THAP6: variants seen among roughly 807,000 people sequenced by gnomAD.
THAP6 encodes the protein THAP domain containing 6.
THAP6 carries 13 observed loss-of-function variants against 20.0 expected under a neutral mutation model. The observed-to-expected ratio is 0.65, with a 90% confidence interval of 0.42 to 1.03. The LOEUF (loss-of-function observed/expected upper bound fraction) is 1.03, where lower values mean the gene tolerates loss of function less well. Ranked by LOEUF, THAP6 falls within the 50% of genes least tolerant of loss-of-function variation. The probability of loss-of-function intolerance (pLI) is 0.00; values close to 1 mark genes in which losing one functional copy is unlikely to be tolerated. For missense variants in THAP6, 262 were observed against 261.6 expected (o/e 1.00, Z -0.01); for synonymous variants, 93 against 92.2 (o/e 1.01, Z -0.05).
chr4:75,523,772 G>T (rs1560544466), intron 4 of THAP6, among the ~76,000 whole-genome samples: 1 of 140,584 alleles, frequency 7.1e-6, no homozygotes. Context: ...CTGTACTCCA[G>T]CCTGGGCAAC....
chr4:75,527,986 A>G lies in THAP6; in HGVS notation c.*772A>G, dbSNP rs1578273769. ...TTCATGACTATTTCGTCATAAAGGTATATGTTTAAAATCTGAATGGCAGTA... is the reference window on the plus strand; with the variant it reads ...TTCATGACTATTTCGTCATAAAGGTGTATGTTTAAAATCTGAATGGCAGTA... On this transcript the variant is annotated 3_prime_UTR_variant, in exon 5 of 5. Coordinates refer to ENST00000311638, the MANE Select transcript of THAP6 (RefSeq NM_144721.6). The G allele has an allele frequency of 1.6e-5, 16 of 985,422 alleles. No individual in the cohort carries two copies. Among genetic ancestry groups the G allele is most frequent in the Non-Finnish European group, 1.9e-5 (16 of 829,878 alleles). 61.0% of individuals were successfully genotyped at this position (985,422 alleles called of 1,614,324 possible).
intron 1 of THAP6, 96 bp from the exon 2 acceptor site, chr4:75,515,337 T>C (rs1339178911): frequency 2.6e-6 from 3 of 1,148,156 alleles, no homozygotes; most frequent in East Asian, 2.4e-5. Flanking sequence ...TTTAGCTTTC[T>C]ATCCTGATTT....
Position 75,527,103 on chromosome 4 carries a change from A to G in THAP6, c.558A>G (p.Thr186=). The stretch of plus-strand genomic sequence containing the variant: ...GTTTTCAGAAATCATTGAGGAAGAC[A>G]ATCAGGGAATTAAAGGATGAATGTC... ...EKRFQKSLRK[T]IRELKDECLI... is the part of the protein sequence containing the mutation. Residue 186 remains threonine, a synonymous_variant, in exon 5 of 5, where the codon ACA becomes ACG. Coordinates refer to ENST00000311638, the MANE Select transcript of THAP6 (RefSeq NM_144721.6). 1 of 1,614,180 alleles carries G rather than the reference A, an allele frequency of 6.2e-7. No homozygotes were observed. Among genetic ancestry groups the G allele is most frequent in the South Asian group, 1.1e-5 (1 of 91,086 alleles).
intron 2 of THAP6, chr4:75,540,035 GAAA>G (rs1726963165): frequency 2.7e-6 from 4 of 1,476,620 alleles, no homozygotes; most frequent in Non-Finnish European, 3.6e-6. Flanking sequence ...TTGTATCACT[GAAA>G]GGGAAAATTT....
rs866153764 is a variant in THAP6 at position 75,528,021 on chromosome 4, T to C, written c.*807T>C. 12 of 985,242 alleles carry C rather than the reference T, an allele frequency of 1.2e-5. No individual in the cohort carries two copies. The highest frequency in any genetic ancestry group is 1.4e-5 in the Non-Finnish European group (12 of 829,724). 61.0% of individuals were successfully genotyped at this position (985,242 alleles called of 1,614,324 possible). A position where few individuals can be genotyped will look rare whatever the true frequency, so the allele number is the denominator to read the frequency against. ...AATCTGAATGGCAGTACTAGCTCTA[T>C]ACTTTTAATACTGCTTTGTATTTTA... is the stretch of plus-strand genomic sequence containing the variant. On this transcript the variant is annotated 3_prime_UTR_variant, in exon 5 of 5. Coordinates refer to ENST00000311638, the MANE Select transcript of THAP6 (RefSeq NM_144721.6).
At chr4:75,531,001 G>C (rs1463600495), downstream of THAP6, among the ~76,000 whole-genome samples, 1 of 152,038 alleles carries the variant, frequency 6.6e-6, no homozygotes, top group Non-Finnish European at 1.5e-5. Flanking sequence ...CTGAAACTGG[G>C]GTCATACACA....
At chr4:75,535,147 G>A (rs1726814506) in intron 2 of THAP6, among the ~76,000 whole-genome samples, 1 of 152,314 alleles carries the variant, frequency 6.6e-6, no homozygotes, top group Non-Finnish European at 1.5e-5. Flanking sequence ...GATCTCATGA[G>A]ACCCATTCAC....
chr4:75,531,684 G>A (rs1726684213), downstream of THAP6, among the ~76,000 whole-genome samples: 1 of 152,108 alleles, frequency 6.6e-6, no homozygotes, highest in African/African-American at 2.4e-5. Context: ...CCACATGGCT[G>A]GGGAGGCCTC....
downstream of THAP6, among the ~76,000 whole-genome samples, chr4:75,534,330 A>G (rs1009807283): frequency 4.6e-5 from 7 of 152,232 alleles, no homozygotes; most frequent in Non-Finnish European, 1.0e-4. Context: ...CCTATTTAAC[A>G]AATGGTGCTG....
chr4:75,527,280 C>G lies in THAP6; in HGVS notation c.*66C>G. 9 of 1,558,092 alleles carry G rather than the reference C, an allele frequency of 5.8e-6. No homozygotes were observed. Among genetic ancestry groups the G allele is most frequent in the Non-Finnish European group, 7.8e-6 (9 of 1,152,636 alleles). On this transcript the variant is annotated 3_prime_UTR_variant, in exon 5 of 5. Coordinates refer to ENST00000311638, the MANE Select transcript of THAP6 (RefSeq NM_144721.6). ...ACAAATTTTTATAAAATCTCATTTA[C>G]CATCACTAAATAATATCCATCATTT...
chr4:75,542,836 C>T (rs1727043435), intron 3 of THAP6: 1 of 179,862 alleles, frequency 5.6e-6, no homozygotes, highest in Non-Finnish European at 1.2e-5. Flanking sequence ...TTCAGTCACT[C>T]CATTTGGAAG....
intron 3 of THAP6, among the ~76,000 whole-genome samples, chr4:75,546,010 C>T (rs1168771515): frequency 1.3e-5 from 2 of 152,172 alleles, no homozygotes; most frequent in East Asian, 3.9e-4. Flanking sequence ...TAAGAGGTTT[C>T]ATCTTTAGGG....
intron 3 of THAP6, chr4:75,517,261 C>A (rs979782633): frequency 1.2e-5 from 3 of 258,470 alleles, no homozygotes; most frequent in African/African-American, 6.6e-5. Context: ...CGTGATCCAC[C>A]CTCCTCGGCG....
chr4:75,521,937 C>G, intron 4 of THAP6, 76 bp downstream of exon 4: 1 of 1,573,212 alleles, frequency 6.4e-7, no homozygotes, highest in Non-Finnish European at 8.7e-7. Context: ...TCAAATTTTT[C>G]AGAATCCTAG....
At chr4:75,525,294 A>G (rs1001300462) in intron 4 of THAP6, among the ~76,000 whole-genome samples, 2 of 152,118 alleles carry the variant, frequency 1.3e-5, no homozygotes, top group Admixed American at 6.5e-5. Flanking sequence ...AAATTGTGCA[A>G]CATGTTACTG....
upstream of THAP6, chr4:75,514,247 C>G (rs757499951): frequency 1.2e-6 from 2 of 1,613,094 alleles, no homozygotes; most frequent in South Asian, 2.2e-5. Flanking sequence ...TGACCTCGCT[C>G]TTGACCGCTG....
At chr4:75,531,427 GCTT>G (rs1726676609), downstream of THAP6, among the ~76,000 whole-genome samples, 1 of 152,182 alleles carries the variant, frequency 6.6e-6, no homozygotes, top group South Asian at 2.1e-4. Context: ...AGCTGATTGT[GCTT>G]CTTCTTTGTA....
chr4:75,534,222 C>G (rs1396962133), downstream of THAP6, among the ~76,000 whole-genome samples: 1 of 152,120 alleles, frequency 6.6e-6, no homozygotes, highest in Non-Finnish European at 1.5e-5. Context: ...AATAAACATA[C>G]AATGGAACAG....
chr4:75,524,499 T>C (rs1046886342), intron 4 of THAP6, among the ~76,000 whole-genome samples: 16 of 152,230 alleles, frequency 1.1e-4, no homozygotes, highest in African/African-American at 3.9e-4. Flanking sequence ...TGGTGATGAA[T>C]TCTTTCAGTA....
Sources: allele counts gnomAD v4.1 joint callset (sites outside exome capture counted in the v4.1 genomes callset), GRCh38; gene constraint gnomAD v4.1.1; transcripts MANE v1.5; gene names NCBI Gene and HGNC (gene_info 2026-07-23, HGNC 2026-07-21).